The following GRM3 variants were observed in gnomAD, a reference collection of about 807,000 sequenced individuals.
The protein encoded by GRM3 is glutamate metabotropic receptor 3, also known as metabotropic glutamate receptor 3.
GRM3 carries 26 observed loss-of-function variants against 70.5 expected under a neutral mutation model. That is an observed-to-expected ratio of 0.37 (90% CI 0.27 to 0.51). The LOEUF (loss-of-function observed/expected upper bound fraction) is 0.51. Among genes scored for constraint, GRM3 ranks in the 20% least tolerant of loss-of-function variants. The pLI is 0.93. For missense variants in GRM3, 859 were observed against 1,123.8 expected, an observed-to-expected ratio of 0.76 and a Z score of 3.37; for synonymous variants, 443 against 434.9, an observed-to-expected ratio of 1.02 and a Z score of -0.23.
chr7:86,774,223 A>G (rs1341391638), intron 2 of GRM3, among the ~76,000 whole-genome samples: 1 of 152,136 alleles, frequency 6.6e-6, no homozygotes, highest in East Asian at 1.9e-4. Context: ...AGCAGCGGTT[A>G]GCAGTTTATA....
At chr7:86,690,630 A>G (rs1393262738) in intron 1 of GRM3, among the ~76,000 whole-genome samples, 2 of 152,138 alleles carry the variant, frequency 1.3e-5, no homozygotes, top group Non-Finnish European at 2.9e-5. Context: ...AGATGATCCC[A>G]TAAGTCTATC....
intron 1 of GRM3, among the ~76,000 whole-genome samples, chr7:86,675,588 A>T (rs892860157): frequency 1.3e-5 from 2 of 152,072 alleles, no homozygotes; most frequent in African/African-American, 4.8e-5. Flanking sequence ...GCTTGCAAAT[A>T]GGGTTAGGAA....
chr7:86,859,223 A>G (rs1466593041), intron 5 of GRM3, among the ~76,000 whole-genome samples: 1 of 152,156 alleles, frequency 6.6e-6, no homozygotes, highest in Non-Finnish European at 1.5e-5. Context: ...TGGCCTCCCA[A>G]GGTGCAGAGA....
intron 2 of GRM3, among the ~76,000 whole-genome samples, chr7:86,776,610 A>G (rs1796898451): frequency 6.6e-6 from 1 of 152,146 alleles, no homozygotes; most frequent in South Asian, 2.1e-4. Flanking sequence ...CAACTGACAA[A>G]GATTGGCATG....
intron 5 of GRM3, among the ~76,000 whole-genome samples, chr7:86,851,153 T>TA (rs1346977465): frequency 6.6e-6 from 1 of 152,142 alleles, no homozygotes; most frequent in Non-Finnish European, 1.5e-5. Context: ...AAAATACTTT[T>TA]AAAAATATTT....
intron 3 of GRM3, among the ~76,000 whole-genome samples, chr7:86,827,971 G>A (rs777060110): frequency 4.6e-5 from 7 of 152,006 alleles, no homozygotes; most frequent in Non-Finnish European, 7.4e-5. Context: ...AATTAGCTGG[G>A]CGTGGTGGCA....
At chr7:86,840,492 A>C (rs1798539027) in intron 4 of GRM3, among the ~76,000 whole-genome samples, 1 of 152,144 alleles carries the variant, frequency 6.6e-6, no homozygotes, top group South Asian at 2.1e-4. Context: ...ACTAGTTAAA[A>C]ATTTTACTGT....
chr7:86,805,724 T>C (rs567375923), intron 3 of GRM3, among the ~76,000 whole-genome samples: 2 of 152,330 alleles, frequency 1.3e-5, no homozygotes, highest in African/African-American at 4.8e-5. Context: ...ATTAGCAATA[T>C]GCATTTAAGA....
chr7:86,736,952 C>CA (rs372360937), intron 1 of GRM3, among the ~76,000 whole-genome samples: 54 of 150,602 alleles, frequency 3.6e-4, no homozygotes, highest in African/African-American at 1.0e-3. Context: ...ACAGGCTCAT[C>CA]AAAAAAAACA....
chr7:86,707,303 G>A (rs770403146), intron 1 of GRM3, among the ~76,000 whole-genome samples: 3 of 152,030 alleles, frequency 2.0e-5, no homozygotes, highest in Non-Finnish European at 4.4e-5. Flanking sequence ...TACTTGCAGT[G>A]TGAACTTAGG....
chr7:86,787,183 C>T (rs1006236339), intron 3 of GRM3, 67 bp downstream of exon 3: 8 of 1,233,784 alleles, frequency 6.5e-6, no homozygotes, highest in Non-Finnish European at 9.1e-6. Flanking sequence ...AATCAAATGC[C>T]TCTGTGCCCA....
chr7:86,774,092 C>A lies in GRM3; in HGVS notation c.468+8479C>A, dbSNP rs74636134. Among the ~76,000 whole-genome samples, 1,509 of 152,226 alleles carry A rather than the reference C, an allele frequency of 9.9e-3. 19 individuals carry two copies. The highest frequency in any genetic ancestry group is 0.035 in the African/African-American group (1,447 of 41,538). On this transcript the variant is annotated intron_variant, in intron 2 of 5. Transcript: ENST00000361669. ...ATGAATTGAAATAGGACTGCTGACA[C>A]TTCTGATTAAACCTATGATATTTTG... is the stretch of plus-strand genomic sequence containing the variant.
chr7:86,738,804 C>G (rs1217468057), intron 1 of GRM3, among the ~76,000 whole-genome samples: 1 of 152,130 alleles, frequency 6.6e-6, no homozygotes, highest in East Asian at 1.9e-4. Context: ...ATATCATGCA[C>G]AACATATAGT....
chr7:86,658,707 G>T (rs1562815719), intron 1 of GRM3, among the ~76,000 whole-genome samples: 1 of 152,066 alleles, frequency 6.6e-6, no homozygotes, highest in Admixed American at 6.6e-5. Context: ...TTGAACAGGG[G>T]TTAATTAACT....
intron 3 of GRM3, among the ~76,000 whole-genome samples, chr7:86,796,495 A>G (rs1256084132): frequency 6.6e-6 from 1 of 152,132 alleles, no homozygotes; most frequent in African/African-American, 2.4e-5. Flanking sequence ...GTCAGGTAGC[A>G]TCATGCTGCC....
rs1798524115 is a variant in GRM3, at chr7:86,839,648, C to T, written c.2134C>T (p.Pro712Ser). The T allele has an allele frequency of 6.2e-7, 1 of 1,613,154 alleles. No homozygotes were observed. The highest frequency in any genetic ancestry group is 8.5e-7 in the Non-Finnish European group (1 of 1,179,234). Residue 712 changes from proline (P) to serine (S), a missense_variant, in exon 4 of 6, where the codon CCA becomes TCA. Coordinates refer to ENST00000361669, the MANE Select transcript of GRM3 (RefSeq NM_000840.3). The surrounding 1 kb of genome is among the most constrained non-coding windows in gnomAD (Gnocchi z 4.5). The part of the protein sequence containing the change: ...MVSVWLILEA[P>S]GTRRYTLAEK... ...GTCTGTGTGGCTCATCCTGGAGGCCCCAGGCACCAGGAGGTATACCCTTGC... is the reference window on the plus strand; with the variant it reads ...GTCTGTGTGGCTCATCCTGGAGGCCTCAGGCACCAGGAGGTATACCCTTGC...
chr7:86,679,684 C>T (rs575696632), intron 1 of GRM3, among the ~76,000 whole-genome samples: 104 of 151,984 alleles, frequency 6.8e-4, no homozygotes, highest in Non-Finnish European at 1.2e-3. Flanking sequence ...CCTCCTCGTT[C>T]TCTCACTCAT....
chr7:86,709,700 GATATC>G (rs1795148405), intron 1 of GRM3, among the ~76,000 whole-genome samples: 1 of 152,024 alleles, frequency 6.6e-6, no homozygotes, highest in Non-Finnish European at 1.5e-5. Flanking sequence ...ACCTTGAAAT[GATATC>G]ATATTAGTAG....
intron 1 of GRM3, among the ~76,000 whole-genome samples, chr7:86,705,907 TA>T (rs1348050960): frequency 8.2e-6 from 1 of 122,148 alleles, no homozygotes; most frequent in Non-Finnish European, 1.8e-5. Context: ...TGAAGTTTAT[TA>T]AAAAATTTGG....
Sources: gnomAD v4.1 joint callset for allele counts (sites outside exome capture counted in the v4.1 genomes callset) on GRCh38, gnomAD v4.1.1 for gene constraint, Gnocchi (gnomAD v3.1) non-coding constraint, MANE v1.5 for transcripts, NCBI Gene and HGNC (gene_info 2026-07-23, HGNC 2026-07-21) for gene names.